The following PPP2R2A variants were observed in gnomAD, a reference collection of about 807,000 sequenced individuals.
PPP2R2A encodes serine/threonine-protein phosphatase 2A 55 kDa regulatory subunit B alpha isoform.
Under a neutral mutation model 53.2 loss-of-function variants are expected in PPP2R2A, and 9 were observed. The observed-to-expected ratio is 0.17, with a 90% CI of 0.10 to 0.30. The LOEUF (loss-of-function observed/expected upper bound fraction) is 0.30. Ranked by LOEUF, PPP2R2A falls within the 10% of genes least tolerant of loss-of-function variation. The pLI is 1.00. For missense variants in PPP2R2A, 235 were observed against 534.6 expected, an observed-to-expected ratio of 0.44 and a Z score of 5.53; for synonymous variants, 169 against 174.2, an observed-to-expected ratio of 0.97 and a Z score of 0.23.
chr8:26,304,685 A>G lies in PPP2R2A; in HGVS notation c.82+10945A>G, dbSNP rs543266145. Among the ~76,000 whole-genome samples the G allele has an allele frequency of 4.6e-5, 7 of 152,332 alleles. 1 individual carries two copies. The South Asian group carries it at 1.4e-3, about 32-fold the overall frequency. ...AAAGAGGAATCTTTCCTTTTGGCTA[A>G]TAGAGTGGGAAGGCTCTAATTCAAG... On this transcript the variant is annotated intron_variant, in intron 2 of 9. Transcript: ENST00000380737.
intron 3 of PPP2R2A, among the ~76,000 whole-genome samples, chr8:26,352,988 G>T (rs1804598735): frequency 6.6e-6 from 1 of 152,142 alleles, no homozygotes; most frequent in Admixed American, 6.5e-5. Flanking sequence ...AGTGTTAAAT[G>T]AAAAACCAGT....
Position 26,370,230 on chromosome 8 carries a change from G to A in PPP2R2A, c.1161G>A (p.Lys387=), listed in dbSNP as rs567610910. The A allele has an allele frequency of 4.3e-6, 7 of 1,614,108 alleles. No individual in the cohort carries two copies. The African/African-American group carries it at 9.3e-5, about 22-fold the overall frequency. Residue 387 remains lysine (K), a synonymous_variant, in exon 10 of 10, where the codon AAG becomes AAA. Coordinates refer to ENST00000380737, the MANE Select transcript of PPP2R2A (RefSeq NM_002717.4). The surrounding 1 kb of genome is among the most constrained non-coding windows in gnomAD (Gnocchi z 6.1). ...ITLEASRENN[K]PRTVLKPRKV... is the part of the protein sequence containing the mutation. Reference sequence around the variant, plus strand: ...TAGAAGCATCGCGGGAAAACAATAAGCCTCGCACAGTTCTGAAGCCTCGCA... The same window carrying A: ...TAGAAGCATCGCGGGAAAACAATAAACCTCGCACAGTTCTGAAGCCTCGCA...
At chr8:26,334,693 C>T (rs560431258) in intron 2 of PPP2R2A, among the ~76,000 whole-genome samples, 8 of 151,814 alleles carry the variant, frequency 5.3e-5, no homozygotes, top group South Asian at 4.2e-4. Context: ...TGCAGGGAGC[C>T]GAGATCGCGC....
At chr8:26,293,478 T>G in intron 1 of PPP2R2A, 188 bp from the exon 2 acceptor site, 1 of 703,432 alleles carries the variant, frequency 1.4e-6, no homozygotes, top group Non-Finnish European at 2.3e-6. Flanking sequence ...TGGAATCTTT[T>G]TTTTCTTTCT....
At chr8:26,308,891 G>T (rs996405128) in intron 2 of PPP2R2A, among the ~76,000 whole-genome samples, 2 of 151,914 alleles carry the variant, frequency 1.3e-5, no homozygotes, top group African/African-American at 2.4e-5. Flanking sequence ...TTGAGATAGG[G>T]TCTCTGTTGC....
intron 9 of PPP2R2A, among the ~76,000 whole-genome samples, chr8:26,369,387 C>T: frequency 6.6e-6 from 1 of 150,940 alleles, no homozygotes; most frequent in Non-Finnish European, 1.5e-5. Context: ...CCACTACACC[C>T]AGCTAATTTT....
At chr8:26,299,999 C>G (rs1187075528) in intron 2 of PPP2R2A, among the ~76,000 whole-genome samples, 2 of 152,180 alleles carry the variant, frequency 1.3e-5, no homozygotes, top group East Asian at 3.8e-4. Context: ...AGACCTCACT[C>G]AGTACAGTCA....
rs551702106 is a variant in PPP2R2A at position 26,321,168 on chromosome 8, T to C, written c.83-17722T>C. 8.5e-5 allele frequency among the ~76,000 whole-genome samples: 13 copies of C among 152,340 alleles called. No homozygotes were observed. The South Asian group carries it at 2.3e-3, about 27-fold the overall frequency. On this transcript the variant is annotated intron_variant, in intron 2 of 9. Transcript: ENST00000380737. The surrounding 1 kb of genome is among the most constrained non-coding windows in gnomAD (Gnocchi z 4.1). ...GTTCATTTCTGTGGTTGTGAAGCGC[T>C]AGTAGGAGTAAGTGACAGGACCTAC...
At chr8:26,334,511 C>T (rs1229269174) in intron 2 of PPP2R2A, among the ~76,000 whole-genome samples, 1 of 152,084 alleles carries the variant, frequency 6.6e-6, no homozygotes, top group East Asian at 1.9e-4. Context: ...ATTGGGAGGC[C>T]GAGGTAGGCG....
At chr8:26,303,199 C>G (rs1466992950) in intron 2 of PPP2R2A, among the ~76,000 whole-genome samples, 1 of 152,152 alleles carries the variant, frequency 6.6e-6, no homozygotes, top group Non-Finnish European at 1.5e-5. Flanking sequence ...AGCTGGTGAT[C>G]TTGGTGAAGG....
At position 26,312,695 on chromosome 8, in the gene PPP2R2A, C is replaced by T. The variant is rs145761861; in HGVS notation, c.82+18955C>T. 3.5e-3 allele frequency among the ~76,000 whole-genome samples: 531 copies of T among 152,276 alleles called. 11 individuals carry two copies. Among genetic ancestry groups the T allele is most frequent in the Admixed American group, 0.029 (438 of 15,290 alleles). On this transcript the variant is annotated intron_variant, in intron 2 of 9. Coordinates refer to ENST00000380737, the MANE Select transcript of PPP2R2A (RefSeq NM_002717.4). ...TTGTATTTCAATTTCAAGTTTGGCT[C>T]GGTCTAAGACCTTACTATACTTAGC... is the stretch of plus-strand genomic sequence containing the variant.
chr8:26,324,635 A>G (rs964434133), intron 2 of PPP2R2A, among the ~76,000 whole-genome samples: 1 of 150,586 alleles, frequency 6.6e-6, no homozygotes, highest in African/African-American at 2.5e-5. Context: ...CTACTGGGGC[A>G]TTGCCTCGCC....
intron 2 of PPP2R2A, among the ~76,000 whole-genome samples, chr8:26,306,475 GAAAA>G (rs35167661): frequency 2.8e-5 from 3 of 108,270 alleles, no homozygotes; most frequent in Non-Finnish European, 3.8e-5. Flanking sequence ...GACTCTGTCT[GAAAA>G]AAAAAAAAAA....
chr8:26,342,735 C>G (rs1235825850), intron 3 of PPP2R2A, among the ~76,000 whole-genome samples: 1 of 152,128 alleles, frequency 6.6e-6, no homozygotes, highest in Non-Finnish European at 1.5e-5. Context: ...TTCATACCCT[C>G]TGGCTTTTTT....
intron 2 of PPP2R2A, 147 bp downstream of exon 2, chr8:26,293,887 T>C: frequency 1.4e-6 from 1 of 695,260 alleles, no homozygotes; most frequent in South Asian, 1.9e-5. Context: ...AAGATACCTT[T>C]CTGAAAAACA....
intron 2 of PPP2R2A, among the ~76,000 whole-genome samples, chr8:26,316,091 G>A (rs1303460819): frequency 3.9e-5 from 6 of 152,082 alleles, no homozygotes; most frequent in Admixed American, 1.3e-4. Context: ...TGCAGCCTCC[G>A]CCTCCTGGGT....
At position 26,338,298 on chromosome 8, in the gene PPP2R2A, C is replaced by A. The variant is rs1333031957; in HGVS notation, c.83-592C>A. Reference sequence around the variant, plus strand: ...TAGAATCCATGTGACGTGACTGATTCTAGTGGTCCTGCAGTGTAGGGGAGC... The same window carrying A: ...TAGAATCCATGTGACGTGACTGATTATAGTGGTCCTGCAGTGTAGGGGAGC... On this transcript the variant is annotated intron_variant, in intron 2 of 9. Transcript: ENST00000380737. This position sits in a 1 kb window ranked among gnomAD's most constrained non-coding sequence, Gnocchi z 4.5. 1.3e-5 allele frequency among the ~76,000 whole-genome samples: 2 copies of A among 152,186 alleles called. No homozygotes were observed. Among genetic ancestry groups the A allele is most frequent in the African/African-American group, 4.8e-5 (2 of 41,436 alleles).
intron 2 of PPP2R2A, among the ~76,000 whole-genome samples, chr8:26,331,071 C>T (rs1490698577): frequency 6.6e-6 from 1 of 152,082 alleles, no homozygotes; most frequent in Non-Finnish European, 1.5e-5. Flanking sequence ...GATCAGTATT[C>T]AGCCAAAGAT....
At chr8:26,333,513 G>T in intron 2 of PPP2R2A, 1 of 1,228,384 alleles carries the variant, frequency 8.1e-7, no homozygotes, top group Non-Finnish European at 1.1e-6. Context: ...TAGTCCTCAA[G>T]TGGAATTATG....
Sources: gnomAD v4.1 joint callset for allele counts (sites outside exome capture counted in the v4.1 genomes callset) on GRCh38, gnomAD v4.1.1 for gene constraint, Gnocchi (gnomAD v3.1) non-coding constraint, MANE v1.5 for transcripts, NCBI Gene and HGNC (gene_info 2026-07-23, HGNC 2026-07-21) for gene names.